The following VPS13B variants were observed in gnomAD, a reference collection of about 807,000 sequenced individuals.
VPS13B encodes intermembrane lipid transfer protein VPS13B.
Under a neutral mutation model 426.4 loss-of-function variants are expected in VPS13B, and 285 were observed. That is an observed-to-expected ratio of 0.67 (90% CI 0.61 to 0.74). The LOEUF (loss-of-function observed/expected upper bound fraction) is 0.74, where lower values mean the gene tolerates loss of function less well. Ranked by LOEUF, VPS13B falls within the 30% of genes least tolerant of loss-of-function variation. The pLI is 0.00. For synonymous variants in VPS13B, 1,676 were observed against 1,676.4 expected, an observed-to-expected ratio of 1.00 and a Z score of 0.01; for missense variants, 4,537 against 4,782.6, an observed-to-expected ratio of 0.95 and a Z score of 1.51.
intron 3 of VPS13B, among the ~76,000 whole-genome samples, chr8:99,096,064 GTTTGT>G (rs1444838152): frequency 2.0e-5 from 3 of 152,086 alleles, no homozygotes; most frequent in African/African-American, 7.2e-5. Flanking sequence ...TTGTCAAGTA[GTTTGT>G]TTTGATATCA....
At chr8:99,272,477 T>A (rs985922885) in intron 17 of VPS13B, among the ~76,000 whole-genome samples, 3 of 152,170 alleles carry the variant, frequency 2.0e-5, no homozygotes, top group African/African-American at 7.2e-5. Context: ...AACACATACT[T>A]AAGTCCTCAG....
At chr8:99,091,842 G>C (rs1226877241) in intron 3 of VPS13B, 1 of 152,278 alleles carries the variant, frequency 6.6e-6, no homozygotes, top group Non-Finnish European at 1.5e-5. Context: ...GGTGACCAGA[G>C]CTGACAGGTG....
intron 17 of VPS13B, among the ~76,000 whole-genome samples, chr8:99,251,370 G>A (rs1457217097): frequency 3.3e-5 from 5 of 151,702 alleles, no homozygotes. Flanking sequence ...TTTTAATCCT[G>A]AGAGGGTGTT....
In VPS13B at chr8:99,140,116, C is replaced by T. The variant is rs1479569449; in HGVS notation, c.1652-2858C>T. On this transcript the variant is annotated intron_variant, in intron 12 of 61. Transcript: ENST00000357162. Reference sequence around the variant, plus strand: ...GCGTGGTGGCTCATGCCTGTAATCCCAGCACTTTGGAAGGCTGAGGTGGGC... The same window carrying T: ...GCGTGGTGGCTCATGCCTGTAATCCTAGCACTTTGGAAGGCTGAGGTGGGC... Among the ~76,000 whole-genome samples the T allele has an allele frequency of 3.9e-5, 6 of 152,066 alleles. No individual in the cohort carries two copies. The South Asian group carries it at 1.2e-3, about 31-fold the overall frequency.
intron 3 of VPS13B, among the ~76,000 whole-genome samples, chr8:99,059,259 C>T (rs983638776): frequency 2.0e-5 from 3 of 152,184 alleles, no homozygotes; most frequent in Non-Finnish European, 4.4e-5. Context: ...GCCTTAGTGT[C>T]CCAAGTAGCT....
At chr8:99,119,106 T>A (rs1005228844) in intron 7 of VPS13B, among the ~76,000 whole-genome samples, 1 of 152,232 alleles carries the variant, frequency 6.6e-6, no homozygotes, top group Non-Finnish European at 1.5e-5. Flanking sequence ...GTTTTTTAAT[T>A]TGCATTTTTT....
intron 16 of VPS13B, among the ~76,000 whole-genome samples, chr8:99,178,813 G>C (rs1812781723): frequency 6.6e-6 from 1 of 151,834 alleles, no homozygotes; most frequent in South Asian, 2.1e-4. Flanking sequence ...GTAGAGATGG[G>C]GTTTCCGCAT....
intron 3 of VPS13B, among the ~76,000 whole-genome samples, chr8:99,087,762 T>A (rs1845914475): frequency 6.6e-6 from 1 of 152,092 alleles, no homozygotes; most frequent in South Asian, 2.1e-4. Flanking sequence ...GTATAACTTG[T>A]ATTTTAAATG....
chr8:99,025,321 A>T (rs1056151832), intron 2 of VPS13B, among the ~76,000 whole-genome samples: 2 of 152,090 alleles, frequency 1.3e-5, no homozygotes, highest in African/African-American at 4.8e-5. Context: ...CTTCAGTACT[A>T]TGTTGAATAA....
intron 20 of VPS13B, among the ~76,000 whole-genome samples, chr8:99,387,759 A>C (rs900441662): frequency 6.6e-6 from 1 of 152,184 alleles, no homozygotes; most frequent in Non-Finnish European, 1.5e-5. Context: ...TAGGTGAAAA[A>C]AAAATGCCGA....
Position 99,477,683 on chromosome 8 carries a change from A to G in VPS13B, c.3667-3916A>G, listed in dbSNP as rs958744014. ...TAGATAGAGTACCTTCATGTAGTTA[A>G]TGTACTTTAAAAATAGAGAAGGCTA... On this transcript the variant is annotated intron_variant, in intron 24 of 61. Transcript: ENST00000357162. Among the ~76,000 whole-genome samples the G allele has an allele frequency of 7.9e-5, 12 of 152,226 alleles. 1 individual carries two copies. Among genetic ancestry groups the G allele is most frequent in the Non-Finnish European group, 2.9e-5 (2 of 68,038 alleles).
intron 2 of VPS13B, among the ~76,000 whole-genome samples, chr8:99,028,491 T>C (rs34139222): frequency 0.81 from 65,660 of 80,822 alleles, 27,013 homozygotes; most frequent in South Asian, 0.87. Context: ...CCTCACCTCC[T>C]GGATGGGGCG....
intron 6 of VPS13B, 60 bp from the exon 7 acceptor site, chr8:99,115,626 AAAACATTTCTTTAT>A: frequency 6.8e-7 from 1 of 1,467,882 alleles, no homozygotes; most frequent in Non-Finnish European, 9.4e-7. Context: ...TAAAGACTTT[AAAACATTTCTTTAT>A]GTAAAAAATA....
At chr8:99,599,417 A>C (rs887933580) in intron 33 of VPS13B, among the ~76,000 whole-genome samples, 35 of 152,214 alleles carry the variant, frequency 2.3e-4, no homozygotes, top group African/African-American at 6.3e-4. Context: ...GTGACACACA[A>C]AAATATTTGT....
chr8:99,330,644 T>A (rs1409331115), intron 19 of VPS13B, among the ~76,000 whole-genome samples: 2 of 151,880 alleles, frequency 1.3e-5, no homozygotes. Context: ...TTTTTCTTCC[T>A]TCTAAGTTGT....
At chr8:99,361,723 CTT>C (rs1223739003) in intron 19 of VPS13B, among the ~76,000 whole-genome samples, 2 of 152,138 alleles carry the variant, frequency 1.3e-5, no homozygotes, top group Non-Finnish European at 2.9e-5. Flanking sequence ...ATTCAACAAA[CTT>C]TTAGTGCTGG....
chr8:99,032,706 T>C (rs917759982), intron 2 of VPS13B, among the ~76,000 whole-genome samples: 9 of 151,504 alleles, frequency 5.9e-5, no homozygotes, highest in African/African-American at 1.9e-4. Context: ...TTTTTGTTTT[T>C]TTTTTTTGTA....
intron 34 of VPS13B, among the ~76,000 whole-genome samples, chr8:99,654,580 G>A (rs1829951951): frequency 6.6e-6 from 1 of 152,184 alleles, no homozygotes; most frequent in Non-Finnish European, 1.5e-5. Flanking sequence ...TACATGTCCA[G>A]TGGTCAAGAA....
intron 33 of VPS13B, among the ~76,000 whole-genome samples, chr8:99,631,410 A>C (rs947522671): frequency 6.6e-6 from 1 of 152,138 alleles, no homozygotes; most frequent in African/African-American, 2.4e-5. Flanking sequence ...GGAACTAGGA[A>C]GACAACATAA....
Sources: allele counts gnomAD v4.1 joint callset (sites outside exome capture counted in the v4.1 genomes callset), GRCh38; gene constraint gnomAD v4.1.1; transcripts MANE v1.5; gene names NCBI Gene and HGNC (gene_info 2026-07-23, HGNC 2026-07-21).